ZNF83: variants seen among roughly 807,000 people sequenced by gnomAD.
ZNF83 encodes the protein zinc finger protein 816B.
For synonymous variants in ZNF83, 209 were observed against 213.0 expected, an observed-to-expected ratio of 0.98 and a Z score of 0.17; for missense variants, 552 against 629.9, an observed-to-expected ratio of 0.88 and a Z score of 1.32.
exon 3 of ZNF83, chr19:52,614,141 T>C (rs1568526071): frequency 6.2e-7 from 1 of 1,614,204 alleles, no homozygotes; most frequent in Non-Finnish European, 8.5e-7. Context: ...CCAGTATGAA[T>C]TCTTTGATGA....
chr19:52,652,071 C>T, intron 3 of ZNF83: 2 of 239,014 alleles, frequency 8.4e-6, no homozygotes, highest in Non-Finnish European at 1.7e-5. Flanking sequence ...AAGACATTGC[C>T]ACACCTATTC....
chr19:52,671,511 A>C (rs1457604269), intron 1 of ZNF83, among the ~76,000 whole-genome samples: 1 of 151,898 alleles, frequency 6.6e-6, no homozygotes, highest in Non-Finnish European at 1.5e-5. Context: ...TGGCAGGAAC[A>C]CTGCTCCTTG....
upstream of ZNF83, among the ~76,000 whole-genome samples, chr19:52,640,433 G>A (rs893344655): frequency 3.9e-5 from 6 of 152,202 alleles, no homozygotes; most frequent in Non-Finnish European, 7.3e-5. Flanking sequence ...GATACAATTC[G>A]AGGAAGGTCA....
At chr19:52,632,443 C>T (rs1201208326) in intron 2 of ZNF83, among the ~76,000 whole-genome samples, 4 of 152,172 alleles carry the variant, frequency 2.6e-5, no homozygotes, top group African/African-American at 9.7e-5. Context: ...ATTCCAGACA[C>T]CAGACCAACT....
chr19:52,613,460 C>G, exon 3 of ZNF83: 3 of 1,614,038 alleles, frequency 1.9e-6, no homozygotes, highest in Non-Finnish European at 2.5e-6. Context: ...GGTTTCTCAC[C>G]GGCATGAATT....
intron 1 of ZNF83, among the ~76,000 whole-genome samples, chr19:52,681,505 C>A (rs979866869): frequency 4.6e-5 from 7 of 152,136 alleles, no homozygotes; most frequent in African/African-American, 1.7e-4. Context: ...GAATGCTTCC[C>A]ATGTGCTATA....
exon 3 of ZNF83, chr19:52,612,939 C>G: frequency 7.7e-7 from 1 of 1,297,442 alleles, no homozygotes; most frequent in Admixed American, 2.5e-5. Flanking sequence ...ATTCATTATA[C>G]TTGCAAAGTT....
At position 52,617,166 on chromosome 19, in the gene ZNF83, A is replaced by G. The variant is rs199932552; in HGVS notation, c.-233-2369T>C. The G allele has an allele frequency of 3.2e-5, 3 of 92,654 alleles. No individual in the cohort carries two copies. The East Asian group carries it at 9.4e-4, about 29-fold the overall frequency. The allele number at this position is 92,654 out of a possible 1,614,324, so 5.7% of individuals were successfully genotyped here. A position where few individuals can be genotyped will look rare whatever the true frequency, so the allele number is the denominator to read the frequency against. ...ATATACCCACACGACAAACCTGCACAACACGACACGACATGGCAAATAGAT... is the reference window on the plus strand; with the variant it reads ...ATATACCCACACGACAAACCTGCACGACACGACACGACATGGCAAATAGAT... On this transcript the variant is annotated intron_variant, in intron 2 of 2. Transcript: ENST00000301096.
intron 1 of ZNF83, among the ~76,000 whole-genome samples, chr19:52,667,611 C>T (rs986729681): frequency 6.6e-6 from 1 of 152,112 alleles, no homozygotes; most frequent in South Asian, 2.1e-4. Context: ...AAGCAAGTTT[C>T]AAAATGTTAA....
At chr19:52,622,029 C>T (rs2060569101) in intron 2 of ZNF83, among the ~76,000 whole-genome samples, 1 of 151,964 alleles carries the variant, frequency 6.6e-6, no homozygotes, top group Non-Finnish European at 1.5e-5. Context: ...TTCTGAAGAC[C>T]CCTCTTACCT....
At position 52,673,851 on chromosome 19, in the gene ZNF83, C is replaced by A. The variant is rs369409380; in HGVS notation, c.-282-13008G>T. 2.6e-5 allele frequency among the ~76,000 whole-genome samples: 4 copies of A among 151,572 alleles called. No homozygotes were observed. In the South Asian group the frequency reaches 8.4e-4, roughly 32 times the overall value. ...TCAACATGGTGCAACCCTATCTCTACTAAAAATACAAAAAATTAACCGGGC... is the reference window on the plus strand; with the variant it reads ...TCAACATGGTGCAACCCTATCTCTAATAAAAATACAAAAAATTAACCGGGC... On this transcript the variant is annotated intron_variant, in intron 1 of 5. Transcript: ENST00000594682.
At chr19:52,619,428 C>A (rs1198467663) in intron 2 of ZNF83, among the ~76,000 whole-genome samples, 1 of 151,992 alleles carries the variant, frequency 6.6e-6, no homozygotes, top group Non-Finnish European at 1.5e-5. Flanking sequence ...GAATTCGAGA[C>A]TAGCCTGGAC....
intron 2 of ZNF83, chr19:52,660,668 C>G (rs1008025322): frequency 6.3e-6 from 1 of 158,538 alleles, no homozygotes; most frequent in African/African-American, 2.4e-5. Flanking sequence ...AAACTTGTGA[C>G]GCAGGACGCT....
chr19:52,648,625 A>G (rs189458280), intron 3 of ZNF83, among the ~76,000 whole-genome samples: 1 of 152,306 alleles, frequency 6.6e-6, no homozygotes, highest in African/African-American at 2.4e-5. Flanking sequence ...CTCATACAAT[A>G]TAAGCCCTAT....
At chr19:52,631,417 G>T (rs1026810393) in intron 2 of ZNF83, among the ~76,000 whole-genome samples, 1 of 152,122 alleles carries the variant, frequency 6.6e-6, no homozygotes, top group Admixed American at 6.6e-5. Context: ...TGATGTCTGC[G>T]TGCAGCAGCT....
At chr19:52,664,233 T>C (rs1057099375) in intron 1 of ZNF83, among the ~76,000 whole-genome samples, 3 of 151,062 alleles carry the variant, frequency 2.0e-5, no homozygotes, top group Non-Finnish European at 2.9e-5. Context: ...TGGTGGCTCA[T>C]GCCTGTAATC....
chr19:52,688,776 A>G (rs1338214690), intron 1 of ZNF83, among the ~76,000 whole-genome samples: 1 of 152,138 alleles, frequency 6.6e-6, no homozygotes, highest in Non-Finnish European at 1.5e-5. Context: ...CAAGAAAAGT[A>G]AAAGCTAAGG....
intron 1 of ZNF83, among the ~76,000 whole-genome samples, chr19:52,677,472 T>G (rs961418420): frequency 1.3e-5 from 2 of 150,982 alleles, no homozygotes; most frequent in African/African-American, 4.9e-5. Context: ...GGTGACAGAG[T>G]GAGACTCTGT....
intron 2 of ZNF83, among the ~76,000 whole-genome samples, chr19:52,630,945 AC>A (rs1457823909): frequency 2.0e-5 from 3 of 149,986 alleles, no homozygotes; most frequent in African/African-American, 7.4e-5. Context: ...TTGCCTATCC[AC>A]CCCATGGTGC....
Sources: gnomAD v4.1 joint callset for allele counts (sites outside exome capture counted in the v4.1 genomes callset) on GRCh38, gnomAD v4.1.1 for gene constraint, MANE v1.5 for transcripts, NCBI Gene and HGNC (gene_info 2026-07-23, HGNC 2026-07-21) for gene names.